The following RERE variants were observed in gnomAD, a reference collection of about 807,000 sequenced individuals.
The protein encoded by RERE is arginine-glutamic acid dipeptide repeats protein.
A neutral mutation model predicts 146.1 loss-of-function variants in RERE; 40 were observed. The ratio of observed to expected loss-of-function variants is 0.27; its 90% CI spans 0.21 to 0.36. RERE has a LOEUF of 0.36. Among genes scored for constraint, RERE ranks in the 10% least tolerant of loss-of-function variants. RERE has a pLI of 1.00. For synonymous variants in RERE, 1,003 were observed against 866.0 expected, an observed-to-expected ratio of 1.16 and a Z score of -2.78; for missense variants, 1,933 against 2,138.7, an observed-to-expected ratio of 0.90 and a Z score of 1.90.
chr1:8,700,026 C>A (rs1426626118), intron 1 of RERE, among the ~76,000 whole-genome samples: 1 of 152,052 alleles, frequency 6.6e-6, no homozygotes, highest in Non-Finnish European at 1.5e-5. Context: ...CAATGGATAG[C>A]CCAGGCGCAG....
intron 4 of RERE, among the ~76,000 whole-genome samples, chr1:8,611,749 A>C (rs1223473250): frequency 2.0e-5 from 3 of 152,182 alleles, no homozygotes; most frequent in Non-Finnish European, 4.4e-5. Context: ...GACAATGGAG[A>C]TAAATGTGCA....
intron 4 of RERE, among the ~76,000 whole-genome samples, chr1:8,611,252 C>T (rs777558517): frequency 1.3e-5 from 2 of 151,810 alleles, no homozygotes; most frequent in Non-Finnish European, 2.9e-5. Flanking sequence ...ACCTGTAATC[C>T]CAACACTTTG....
chr1:8,704,276 T>G (rs1040856213), intron 1 of RERE, among the ~76,000 whole-genome samples: 2 of 152,238 alleles, frequency 1.3e-5, no homozygotes, highest in Non-Finnish European at 2.9e-5. Context: ...CTAGTGGTGA[T>G]AGCCAAGATC....
chr1:8,518,699 T>C (rs2124332984), intron 7 of RERE, among the ~76,000 whole-genome samples: 1 of 152,290 alleles, frequency 6.6e-6, no homozygotes, highest in Admixed American at 6.5e-5. Context: ...GTTTCTCAAT[T>C]TTCCCCAGCA....
chr1:8,692,848 C>T (rs1377976309), intron 1 of RERE, among the ~76,000 whole-genome samples: 2 of 151,994 alleles, frequency 1.3e-5, no homozygotes, highest in Non-Finnish European at 2.9e-5. Flanking sequence ...CAGAATTATG[C>T]CCATTTAAAA....
chr1:8,422,611 G>T, intron 12 of RERE, 116 bp downstream of exon 12: 1 of 728,090 alleles, frequency 1.4e-6, no homozygotes. Flanking sequence ...CTGGAGGCCA[G>T]CCCGAGTCTG....
chr1:8,372,893 T>C (rs1224303019), intron 12 of RERE, among the ~76,000 whole-genome samples: 1 of 152,190 alleles, frequency 6.6e-6, no homozygotes, highest in Non-Finnish European at 1.5e-5. Context: ...ATGGGCACCC[T>C]TTCTGGGCCA....
intron 1 of RERE, among the ~76,000 whole-genome samples, chr1:8,811,450 A>T (rs1416320638): frequency 6.6e-6 from 1 of 152,190 alleles, no homozygotes; most frequent in Non-Finnish European, 1.5e-5. Flanking sequence ...CTACAAAAAA[A>T]AATTAGCCAG....
chr1:8,760,772 A>T (rs922052859), intron 1 of RERE, among the ~76,000 whole-genome samples: 3 of 152,196 alleles, frequency 2.0e-5, no homozygotes, highest in Non-Finnish European at 4.4e-5. Context: ...TGAAAACAAA[A>T]CACTTTGTAC....
intron 3 of RERE, among the ~76,000 whole-genome samples, chr1:8,620,941 T>C (rs1646909008): frequency 6.6e-6 from 1 of 152,018 alleles, no homozygotes; most frequent in African/African-American, 2.4e-5. Flanking sequence ...TTCCTACCTT[T>C]AAAACCTCAG....
intron 11 of RERE, among the ~76,000 whole-genome samples, chr1:8,432,866 GGATT>G (rs1282364035): frequency 1.3e-5 from 2 of 151,966 alleles, no homozygotes; most frequent in Non-Finnish European, 2.9e-5. Flanking sequence ...TTTTAAAATG[GGATT>G]GATTACTTGG....
chr1:8,508,321 G>A (rs960636125), intron 8 of RERE, among the ~76,000 whole-genome samples: 1 of 152,196 alleles, frequency 6.6e-6, no homozygotes, highest in Admixed American at 6.5e-5. Flanking sequence ...TGCTGCAGAA[G>A]AGAAATGGAG....
At chr1:8,561,478 G>A (rs1352459715) in intron 4 of RERE, among the ~76,000 whole-genome samples, 2 of 149,746 alleles carry the variant, frequency 1.3e-5, no homozygotes, top group African/African-American at 5.1e-5. Context: ...GTCTGCAACT[G>A]CTAGTTGCAA....
At chr1:8,598,932 TAG>T (rs1646587493) in intron 4 of RERE, among the ~76,000 whole-genome samples, 3 of 152,332 alleles carry the variant, frequency 2.0e-5, no homozygotes, top group South Asian at 4.1e-4. Flanking sequence ...AACACTGAAG[TAG>T]AGAGTCTTAA....
intron 2 of RERE, among the ~76,000 whole-genome samples, chr1:8,629,991 T>C (rs1647016200): frequency 6.6e-6 from 1 of 152,178 alleles, no homozygotes; most frequent in Non-Finnish European, 1.5e-5. Context: ...CTCTCAGGAC[T>C]GCACCGCTCT....
chr1:8,634,354 AT>A (rs921157120), intron 2 of RERE, among the ~76,000 whole-genome samples: 1 of 152,214 alleles, frequency 6.6e-6, no homozygotes, highest in African/African-American at 2.4e-5. Context: ...AAGGGCTAAA[AT>A]CCTTTCTACT....
At chr1:8,782,015 C>T (rs1468478947) in intron 1 of RERE, among the ~76,000 whole-genome samples, 1 of 152,110 alleles carries the variant, frequency 6.6e-6, no homozygotes, top group Non-Finnish European at 1.5e-5. Flanking sequence ...TGAATTTCCA[C>T]TAGCTCCAAA....
chr1:8,382,217 C>A (rs1168670231), intron 12 of RERE, among the ~76,000 whole-genome samples: 1 of 152,258 alleles, frequency 6.6e-6, no homozygotes, highest in East Asian at 1.9e-4. Context: ...CTTAACAAAA[C>A]AGAACAAGGA....
At chr1:8,426,322 T>C in intron 11 of RERE, among the ~76,000 whole-genome samples, 1 of 151,578 alleles carries the variant, frequency 6.6e-6, no homozygotes, top group Middle Eastern at 3.2e-3. Flanking sequence ...GGCATGGTGG[T>C]GGGCGCCTGT....
Sources: gnomAD v4.1 joint callset for allele counts (sites outside exome capture counted in the v4.1 genomes callset) on GRCh38, gnomAD v4.1.1 for gene constraint, MANE v1.5 for transcripts, NCBI Gene and HGNC (gene_info 2026-07-23, HGNC 2026-07-21) for gene names.